Variants in RARS2 observed in about 807,000 individuals in gnomAD.
RARS2 encodes the protein probable arginine--tRNA ligase, mitochondrial.
A neutral mutation model predicts 88.5 loss-of-function variants in RARS2; 67 were observed. That is an observed-to-expected ratio of 0.76 (90% CI 0.62 to 0.93). The LOEUF (loss-of-function observed/expected upper bound fraction) is 0.93, where lower values mean the gene tolerates loss of function less well. RARS2 is among the 40% of genes least tolerant of loss of function. The pLI is 0.00. For missense variants in RARS2, 664 were observed against 684.2 expected, an observed-to-expected ratio of 0.97 and a Z score of 0.33; for synonymous variants, 239 against 230.3, an observed-to-expected ratio of 1.04 and a Z score of -0.34.
intron 2 of RARS2, among the ~76,000 whole-genome samples, chr6:87,567,370 A>G (rs1768247377): frequency 6.6e-6 from 1 of 152,250 alleles, no homozygotes; most frequent in South Asian, 2.1e-4. Context: ...TTAAAAAGCA[A>G]TAGTTATTTT....
At chr6:87,563,658 A>C (rs1487912830) in intron 3 of RARS2, among the ~76,000 whole-genome samples, 1 of 152,216 alleles carries the variant, frequency 6.6e-6, no homozygotes, top group Non-Finnish European at 1.5e-5. Context: ...TTAGATATCA[A>C]ACCCATCAGA....
chr6:87,518,435 T>G, intron 16 of RARS2, 171 bp from the exon 17 acceptor site: 1 of 1,421,778 alleles, frequency 7.0e-7, no homozygotes, highest in Non-Finnish European at 9.4e-7. Flanking sequence ...AGGACTAAGA[T>G]AATACACATA....
Position 87,562,731 on chromosome 6 carries a change from A to C in RARS2, c.268T>G (p.Phe90Val). The C allele has an allele frequency of 6.2e-7, 1 of 1,613,312 alleles. No individual in the cohort carries two copies. The highest frequency in any genetic ancestry group is 2.2e-5 in the East Asian group (1 of 44,850). The change falls in exon 4 of 20, where the codon TTC (phenylalanine) becomes GTC (valine). Residue 90 changes from phenylalanine to valine, a missense_variant. Phe to Val is a conservative substitution (Grantham distance 50, BLOSUM62 -1). Coordinates refer to ENST00000369536, the MANE Select transcript of RARS2 (RefSeq NM_020320.5). ...GTTAAGAGCTCTCTGTTTATTTTGA[A>C]ATTTACAGTCCTTTGACCAGTACTG... is the stretch of plus-strand genomic sequence containing the variant. ...EISTGQRTVN[F>V]KINRELLTKT...
intron 6 of RARS2, among the ~76,000 whole-genome samples, chr6:87,546,885 T>C (rs966529427): frequency 6.6e-6 from 1 of 152,188 alleles, no homozygotes; most frequent in Non-Finnish European, 1.5e-5. Context: ...AACCTGTTTT[T>C]CCAGCTGGCA....
chr6:87,541,404 T>C (rs1780905857), intron 8 of RARS2, among the ~76,000 whole-genome samples: 1 of 152,212 alleles, frequency 6.6e-6, no homozygotes, highest in Admixed American at 6.5e-5. Context: ...CTTGAACTCC[T>C]GGTGTCAAGC....
At chr6:87,528,476 A>T (rs1210071128) in intron 10 of RARS2, among the ~76,000 whole-genome samples, 1 of 152,226 alleles carries the variant, frequency 6.6e-6, no homozygotes, top group African/African-American at 2.4e-5. Flanking sequence ...TGGTTATTGT[A>T]ACATTATTCA....
rs1195840125 is a variant in RARS2 at position 87,517,004 on chromosome 6, C to T, written c.1512-124G>A. 43 of 1,417,040 alleles carry T rather than the reference C, an allele frequency of 3.0e-5. 1 individual carries two copies. Among genetic ancestry groups the T allele is most frequent in the Non-Finnish European group, 3.6e-5 (38 of 1,044,694 alleles). The allele number at this position is 1,417,040 out of a possible 1,614,324, so 87.8% of individuals were successfully genotyped here. A position where few individuals can be genotyped will look rare whatever the true frequency, so the allele number is the denominator to read the frequency against. On this transcript the variant is annotated intron_variant, in intron 17 of 19. Coordinates refer to ENST00000369536, the MANE Select transcript of RARS2 (RefSeq NM_020320.5). ...ATTAAGAGTAGAAGGTATGGCCAGG[C>T]GCAGTGTCTCACGTCTGTAATCCCA...
At chr6:87,550,624 T>A (rs1025576518) in intron 5 of RARS2, among the ~76,000 whole-genome samples, 7 of 150,764 alleles carry the variant, frequency 4.6e-5, no homozygotes, top group Admixed American at 2.0e-4. Context: ...TTGCCAAAAC[T>A]CATCAAATTA....
chr6:87,538,895 G>T (rs1287423797), intron 8 of RARS2, among the ~76,000 whole-genome samples: 1 of 151,908 alleles, frequency 6.6e-6, no homozygotes, highest in Non-Finnish European at 1.5e-5. Flanking sequence ...TTAGTTGGGT[G>T]TGCTGGTGTG....
rs774889294 is a variant in RARS2, at chr6:87,519,699, T to A, written c.1121A>T (p.His374Leu). The A allele has an allele frequency of 1.9e-6, 3 of 1,613,922 alleles. No homozygotes were observed. The highest frequency in any genetic ancestry group is 2.5e-6 in the Non-Finnish European group (3 of 1,179,918). ...TCCCTGTACTACTCCAAAGGGCACG[T>A]GCTGGCACCTAAAAGAGTGGGCATC... ...MGYDWAERCQ[H>L]VPFGVVQGMK... is the part of the protein sequence containing the mutation. The change falls in exon 14 of 20, where the codon CAC becomes CTC. Residue 374 changes from histidine to leucine, a missense_variant. Physicochemically the swap from His to Leu is moderately conservative, Grantham distance 99. Transcript: ENST00000369536.
chr6:87,538,583 C>CA (rs1779890050), intron 8 of RARS2, among the ~76,000 whole-genome samples: 1 of 151,988 alleles, frequency 6.6e-6, no homozygotes, highest in Non-Finnish European at 1.5e-5. Context: ...TTCACCTCCA[C>CA]AAAAAAACCC....
intron 3 of RARS2, 101 bp from the exon 4 acceptor site, chr6:87,562,886 C>A: frequency 1.2e-6 from 1 of 850,576 alleles, no homozygotes; most frequent in South Asian, 1.4e-5. Flanking sequence ...ACAAGTAAGT[C>A]ATCTTTCATG....
chr6:87,562,329 T>A (rs1490979501), intron 4 of RARS2, among the ~76,000 whole-genome samples: 1 of 152,178 alleles, frequency 6.6e-6, no homozygotes, highest in Non-Finnish European at 1.5e-5. Context: ...GAATATTGTA[T>A]GCAACTGTAT....
At chr6:87,539,872 C>T (rs1780372012) in intron 8 of RARS2, among the ~76,000 whole-genome samples, 2 of 152,110 alleles carry the variant, frequency 1.3e-5, no homozygotes, top group Admixed American at 1.3e-4. Context: ...TTACATATAA[C>T]ATCTGTGGGC....
intron 13 of RARS2, 129 bp downstream of exon 13, chr6:87,520,051 C>A: frequency 1.2e-6 from 1 of 842,954 alleles, no homozygotes; most frequent in Admixed American, 2.0e-5. Context: ...ATACAAAAAT[C>A]AAATCTACCT....
At chr6:87,556,667 C>A (rs1786011404) in intron 4 of RARS2, among the ~76,000 whole-genome samples, 1 of 151,390 alleles carries the variant, frequency 6.6e-6, no homozygotes, top group South Asian at 2.1e-4. Context: ...TGGCATGCGC[C>A]TGTAGTCCCA....
intron 8 of RARS2, among the ~76,000 whole-genome samples, chr6:87,538,031 CA>C (rs1466873715): frequency 6.6e-6 from 1 of 152,052 alleles, no homozygotes; most frequent in Non-Finnish European, 1.5e-5. Flanking sequence ...GCTTAAAGCT[CA>C]AAAAAATTCC....
Position 87,545,664 on chromosome 6 carries a change from G to T in RARS2, c.487C>A (p.His163Asn), listed in dbSNP as rs769923899. The change falls in exon 7 of 20, where the codon CAT (histidine) becomes AAT (asparagine). Residue 163 changes from histidine (H) to asparagine (N), a missense_variant. Transcript: ENST00000369536. The stretch of plus-strand genomic sequence containing the variant: ...AGGTAATTTATTCTTATTACTTGAT[G>T]TCCTAAAGCTTCTTTGAGATTTGCT... ...FIANLKEALG[H>N]QVIRINYLGD... 1 of 1,613,616 alleles carries T rather than the reference G, an allele frequency of 6.2e-7. No homozygotes were observed. The highest frequency in any genetic ancestry group is 1.1e-5 in the South Asian group (1 of 91,074).
At chr6:87,517,071 G>C (rs1053530391) in intron 17 of RARS2, among the ~76,000 whole-genome samples, 191 bp from the exon 18 acceptor site, 2 of 152,220 alleles carry the variant, frequency 1.3e-5, no homozygotes, top group Admixed American at 6.5e-5. Context: ...GAGGTCAGGA[G>C]TTTGAGAGCA....
Sources: allele counts gnomAD v4.1 joint callset (sites outside exome capture counted in the v4.1 genomes callset), GRCh38; gene constraint gnomAD v4.1.1; transcripts MANE v1.5; gene names NCBI Gene and HGNC (gene_info 2026-07-23, HGNC 2026-07-21).